Variants in DEK observed in about 807,000 individuals in gnomAD.
The protein encoded by DEK is protein DEK.
A neutral mutation model predicts 46.8 loss-of-function variants in DEK; 28 were observed. The observed-to-expected ratio is 0.60, with a 90% CI of 0.44 to 0.82. DEK has a LOEUF of 0.82. Among genes scored for constraint, DEK ranks in the 40% least tolerant of loss-of-function variants. The pLI is 0.00. For synonymous variants in DEK, 160 were observed against 144.5 expected, an observed-to-expected ratio of 1.11 and a Z score of -0.77; for missense variants, 416 against 430.6, an observed-to-expected ratio of 0.97 and a Z score of 0.30.
intron 9 of DEK, among the ~76,000 whole-genome samples, chr6:18,231,626 T>TA (rs755775233): frequency 3.5e-4 from 54 of 152,158 alleles, no homozygotes; most frequent in Non-Finnish European, 7.2e-4. Context: ...ATGAAATGGA[T>TA]AAATTCCTGG....
intron 7 of DEK, among the ~76,000 whole-genome samples, chr6:18,238,311 C>A (rs563141604): frequency 1.3e-5 from 2 of 152,270 alleles, no homozygotes; most frequent in Middle Eastern, 3.4e-3. Context: ...AATAAACATG[C>A]AAGATTCAAA....
intron 7 of DEK, among the ~76,000 whole-genome samples, chr6:18,243,094 G>GT: frequency 6.6e-6 from 1 of 152,156 alleles, no homozygotes; most frequent in Non-Finnish European, 1.5e-5. Flanking sequence ...CTCCGTTCAG[G>GT]TAAGAGGTGA....
intron 2 of DEK, among the ~76,000 whole-genome samples, chr6:18,263,176 A>T (rs1239791411): frequency 6.6e-6 from 1 of 152,210 alleles, no homozygotes; most frequent in Non-Finnish European, 1.5e-5. Flanking sequence ...TCACACCTCC[A>T]GTCAAATCAG....
intron 7 of DEK, among the ~76,000 whole-genome samples, chr6:18,237,865 T>TC (rs1790730657): frequency 1.4e-5 from 2 of 141,978 alleles, no homozygotes; most frequent in African/African-American, 2.6e-5. Flanking sequence ...GGAATCTTTT[T>TC]TTTTTTTTTT....
chr6:18,250,601 CAG>C (rs1791333726), intron 6 of DEK, among the ~76,000 whole-genome samples: 1 of 86,526 alleles, frequency 1.2e-5, no homozygotes, highest in African/African-American at 4.6e-5. Flanking sequence ...TTTTTTGAGA[CAG>C]AGTCTCATTC....
chr6:18,256,643 A>G (rs1001897883), intron 4 of DEK, among the ~76,000 whole-genome samples, 188 bp from the exon 5 acceptor site: 6 of 152,210 alleles, frequency 3.9e-5, no homozygotes, highest in African/African-American at 1.4e-4. Flanking sequence ...TGAAAAATGT[A>G]TTTGTCATTA....
At position 18,225,749 on chromosome 6, in the gene DEK, A is replaced by T; in HGVS notation, c.1117-19T>A. On this transcript the variant is annotated intron_variant, in intron 10 of 10. Coordinates refer to ENST00000652689, the MANE Select transcript of DEK (RefSeq NM_003472.4). Reference sequence around the variant, plus strand: ...AAATTAGCTGTAATGAAAGAGAAACATTATTTTGCCATAAATCATAAACCT... The same window carrying T: ...AAATTAGCTGTAATGAAAGAGAAACTTTATTTTGCCATAAATCATAAACCT... 1 of 1,612,824 alleles carries T rather than the reference A, an allele frequency of 6.2e-7. No individual in the cohort carries two copies. The highest frequency in any genetic ancestry group is 1.7e-5 in the Admixed American group (1 of 59,812).
Position 18,225,405 on chromosome 6 carries a change from A to C in DEK, c.*314T>G. 3.2e-6 allele frequency: 1 copy of C among 310,314 alleles called. No homozygotes were observed. The allele number at this position is 310,314 out of a possible 1,614,324, so 19.2% of individuals were successfully genotyped here. ...AGTATGCCTTAAGCAAGCTAATATT[A>C]AGTGCACTAAAAACCACAACAGCTC... On this transcript the variant is annotated 3_prime_UTR_variant, in exon 11 of 11. Transcript: ENST00000652689.
chr6:18,230,117 C>A (rs1790343240), intron 9 of DEK, among the ~76,000 whole-genome samples: 1 of 152,150 alleles, frequency 6.6e-6, no homozygotes, highest in African/African-American at 2.4e-5. Flanking sequence ...AATTTCATAT[C>A]CAGCTAAACC....
At position 18,225,235 on chromosome 6, in the gene DEK, T is replaced by G. The variant is rs1400220122; in HGVS notation, c.*484A>C. On this transcript the variant is annotated 3_prime_UTR_variant, in exon 11 of 11. Coordinates refer to ENST00000652689, the MANE Select transcript of DEK (RefSeq NM_003472.4). ...ATTCAGTGATCTGGACAACTGTAGC[T>G]TGTATATTTTTAATATGATGGACAC... The G allele has an allele frequency of 8.7e-6, 2 of 229,476 alleles. No individual in the cohort carries two copies. The highest frequency in any genetic ancestry group is 1.7e-5 in the Non-Finnish European group (2 of 115,844). The allele number at this position is 229,476 out of a possible 1,614,324, so 14.2% of individuals were successfully genotyped here.
At chr6:18,237,547 T>C (rs371238225) in intron 7 of DEK, 31 bp from the exon 8 acceptor site, 78 of 1,586,944 alleles carry the variant, frequency 4.9e-5, no homozygotes, top group African/African-American at 2.2e-4. Flanking sequence ...AGTACACATA[T>C]TGATGAGATT....
At chr6:18,253,670 T>G (rs780482968) in intron 6 of DEK, among the ~76,000 whole-genome samples, 1 of 152,214 alleles carries the variant, frequency 6.6e-6, no homozygotes, top group African/African-American at 2.4e-5. Context: ...TACACAATTA[T>G]CTAAAAAGAC....
chr6:18,237,592 A>G, intron 7 of DEK, 76 bp from the exon 8 acceptor site: 1 of 1,482,398 alleles, frequency 6.7e-7, no homozygotes, highest in Non-Finnish European at 8.9e-7. Flanking sequence ...TACTTCCCCT[A>G]TGCCCCTTAA....
At chr6:18,260,445 C>T (rs972073794) in intron 2 of DEK, among the ~76,000 whole-genome samples, 6 of 152,148 alleles carry the variant, frequency 3.9e-5, no homozygotes, top group Admixed American at 3.3e-4. Flanking sequence ...TCAAAATATT[C>T]AAAAGAAAAA....
At chr6:18,258,268 T>C (rs566639531) in intron 3 of DEK, 36 bp downstream of exon 3, 27 of 1,560,738 alleles carry the variant, frequency 1.7e-5, no homozygotes, top group South Asian at 1.2e-4. Context: ...TTAGGCACTT[T>C]CACCACAAAA....
intron 7 of DEK, among the ~76,000 whole-genome samples, chr6:18,247,785 C>A (rs780021749): frequency 1.3e-5 from 2 of 152,026 alleles, no homozygotes; most frequent in African/African-American, 2.4e-5. Flanking sequence ...AATTCTCCTG[C>A]CTCAGCCTTC....
At chr6:18,254,634 T>C (rs1791528965) in intron 6 of DEK, among the ~76,000 whole-genome samples, 1 of 152,040 alleles carries the variant, frequency 6.6e-6, no homozygotes, top group Non-Finnish European at 1.5e-5. Flanking sequence ...CTGAAACCAA[T>C]AAATTGGAAA....
At position 18,225,003 on chromosome 6, in the gene DEK, C is replaced by A. The variant is rs1470469663; in HGVS notation, c.*716G>T. ...CATCACTGAATTGACTTTCACTGTT[C>A]CATCATACTGTTTGGCTGAACACTG... On this transcript the variant is annotated 3_prime_UTR_variant, in exon 11 of 11. Transcript: ENST00000652689. 9.2e-6 allele frequency: 2 copies of A among 217,604 alleles called. No individual in the cohort carries two copies. Among genetic ancestry groups the A allele is most frequent in the African/African-American group, 2.2e-5 (1 of 44,470 alleles). The allele number at this position is 217,604 out of a possible 1,614,324, so 13.5% of individuals were successfully genotyped here. A position where few individuals can be genotyped will look rare whatever the true frequency, so the allele number is the denominator to read the frequency against.
intron 7 of DEK, among the ~76,000 whole-genome samples, chr6:18,241,907 C>A (rs1470163636): frequency 6.6e-6 from 1 of 152,094 alleles, no homozygotes; most frequent in Non-Finnish European, 1.5e-5. Context: ...AAGGCAGGAA[C>A]CAGACAAAGC....
Sources: gnomAD v4.1 joint callset for allele counts (sites outside exome capture counted in the v4.1 genomes callset) on GRCh38, gnomAD v4.1.1 for gene constraint, MANE v1.5 for transcripts, NCBI Gene and HGNC (gene_info 2026-07-23, HGNC 2026-07-21) for gene names.